PWWP2A: variants seen among roughly 807,000 people sequenced by gnomAD.
The protein encoded by PWWP2A is PWWP domain containing 2A, also known as PWWP domain-containing protein 2A.
A neutral mutation model predicts 48.5 loss-of-function variants in PWWP2A; 18 were observed. The observed-to-expected ratio is 0.37, with a 90% CI of 0.26 to 0.55. PWWP2A has a LOEUF of 0.55. Among genes scored for constraint, PWWP2A ranks in the 20% least tolerant of loss-of-function variants. The pLI, the probability that PWWP2A is intolerant of heterozygous loss-of-function variation, is 0.81. For missense variants in PWWP2A, 867 were observed against 976.4 expected (o/e 0.89, Z 1.49); for synonymous variants, 396 against 387.7 (o/e 1.02, Z -0.25).
chr5:160,100,569 C>T (rs1756167399), intron 1 of PWWP2A, among the ~76,000 whole-genome samples: 1 of 152,198 alleles, frequency 6.6e-6, no homozygotes, highest in African/African-American at 2.4e-5. Flanking sequence ...GAGTTCACGA[C>T]CAGCCTGGTC....
At chr5:160,090,599 AG>A (rs1754984386), downstream of PWWP2A, 1 of 985,002 alleles carries the variant, frequency 1.0e-6, no homozygotes, top group Non-Finnish European at 1.2e-6. Flanking sequence ...GTTCCCCATA[AG>A]AAATTCTACT....
intron 1 of PWWP2A, among the ~76,000 whole-genome samples, chr5:160,110,859 C>T (rs1344500843): frequency 2.0e-5 from 3 of 151,158 alleles, no homozygotes; most frequent in Non-Finnish European, 2.9e-5. Flanking sequence ...TGATGAAATC[C>T]GTCTCTACTA....
intron 5 of PWWP2A, among the ~76,000 whole-genome samples, chr5:160,063,030 A>G (rs1186707835): frequency 6.6e-6 from 1 of 152,162 alleles, no homozygotes; most frequent in Non-Finnish European, 1.5e-5. Context: ...GCAGCACAGA[A>G]CGTGTGTGTC....
rs748083955 is a variant in PWWP2A, at chr5:160,066,295, C to CTTTTTTTTTTT, written c.*236+252_*236+253insAAAAAAAAAAA. On this transcript the variant is annotated intron_variant and NMD_transcript_variant, in intron 4 of 5. Transcript: ENST00000524050. The stretch of plus-strand genomic sequence containing the variant: ...CAGCATTATGCTAGAAAGTGGTTCT[C>CTTTTTTTTTTT]ATTTTTTTTTTTTTTTTTTTGAGGG... Among the ~76,000 whole-genome samples the CTTTTTTTTTTT allele has an allele frequency of 8.7e-3, 501 of 57,714 alleles. 13 individuals carry two copies. The highest frequency in any genetic ancestry group is 0.02 in the African/African-American group (348 of 17,782). 37.9% of individuals were successfully genotyped at this position (57,714 alleles called of 152,430 possible).
At chr5:160,096,465 T>G (rs1010276810) in intron 1 of PWWP2A, among the ~76,000 whole-genome samples, 17 of 152,246 alleles carry the variant, frequency 1.1e-4, no homozygotes, top group African/African-American at 4.1e-4. Flanking sequence ...GTGCTTCTTG[T>G]GTTTTAATGC....
chr5:160,094,294 G>C (rs1162073121), intron 1 of PWWP2A, among the ~76,000 whole-genome samples: 1 of 152,164 alleles, frequency 6.6e-6, no homozygotes, highest in Non-Finnish European at 1.5e-5. Context: ...CCTAAGCAAT[G>C]ACAGAATAGT....
At chr5:160,089,571 T>C (rs982699423), downstream of PWWP2A, 6 of 1,288,288 alleles carry the variant, frequency 4.7e-6, no homozygotes, top group Non-Finnish European at 6.1e-6. Flanking sequence ...TGAATGGATG[T>C]TCCTTCCAAA....
chr5:160,099,689 T>TG (rs559591189), intron 1 of PWWP2A, among the ~76,000 whole-genome samples: 275 of 151,540 alleles, frequency 1.8e-3, no homozygotes, highest in African/African-American at 6.3e-3. Flanking sequence ...TTTTTTTTTT[T>TG]TTTTTGGAAA....
intron 1 of PWWP2A, among the ~76,000 whole-genome samples, chr5:160,097,385 G>A (rs369347460): frequency 3.9e-5 from 5 of 128,768 alleles, no homozygotes; most frequent in East Asian, 5.1e-4. Flanking sequence ...AGTGGCTCAC[G>A]CCTGTAATCC....
rs1216384323 is a variant in PWWP2A, at chr5:160,091,990, A to G, written c.*392T>C. 3 of 675,088 alleles carry G rather than the reference A, an allele frequency of 4.4e-6. No individual in the cohort carries two copies. Among genetic ancestry groups the G allele is most frequent in the Non-Finnish European group, 5.4e-6 (3 of 552,016 alleles). 41.8% of individuals were successfully genotyped at this position (675,088 alleles called of 1,614,324 possible). A position where few individuals can be genotyped will look rare whatever the true frequency, so the allele number is the denominator to read the frequency against. ...TATATATGTGTATATATACATATAT[A>G]TGTGTGTATATATACATACACGGAT... On this transcript the variant is annotated 3_prime_UTR_variant, in exon 2 of 2. Transcript: ENST00000307063.
rs1299441745 is a variant in PWWP2A, at chr5:160,093,028, T to C, written c.1622A>G (p.Asn541Ser). 3 of 1,601,184 alleles carry C rather than the reference T, an allele frequency of 1.9e-6. No individual in the cohort carries two copies. Among genetic ancestry groups the C allele is most frequent in the Non-Finnish European group, 1.7e-6 (2 of 1,173,698 alleles). The change falls in exon 2 of 2, where the codon AAT becomes AGT. Residue 541 changes from asparagine to serine, a missense_variant. Coordinates refer to ENST00000307063, the MANE Select transcript of PWWP2A (RefSeq NM_001130864.2). This position sits in a 1 kb window ranked among gnomAD's most constrained non-coding sequence, Gnocchi z 5.8. ...CTGATCACCAGGCACATGCACTTCA[T>C]TTGTGTCCTGAACCTCACTGCTGGC... ...EEASSEVQDTNEVHVPGDQDE... is the reference protein window; with the variant it reads ...EEASSEVQDTSEVHVPGDQDE...
At chr5:160,116,350 G>C (rs3962036) in intron 1 of PWWP2A, among the ~76,000 whole-genome samples, 1 of 152,104 alleles carries the variant, frequency 6.6e-6, no homozygotes, top group African/African-American at 2.4e-5. Flanking sequence ...CAGCTACTCC[G>C]GAGGCTGAGG....
At chr5:160,096,650 G>A (rs1351945319) in intron 1 of PWWP2A, among the ~76,000 whole-genome samples, 1 of 152,120 alleles carries the variant, frequency 6.6e-6, no homozygotes, top group East Asian at 1.9e-4. Context: ...TTTTTATAGA[G>A]ACGGTGCCTC....
the PWWP2A span, among the ~76,000 whole-genome samples, chr5:160,054,408 G>C: frequency 6.6e-6 from 1 of 152,192 alleles, no homozygotes. Context: ...GAGCCCAGCA[G>C]TTCGAGACCA....
chr5:160,065,777 A>G (rs1333493526), intron 4 of PWWP2A, among the ~76,000 whole-genome samples: 1 of 152,256 alleles, frequency 6.6e-6, no homozygotes, highest in Admixed American at 6.5e-5. Context: ...GTTTGTATAG[A>G]TAATTATAAA....
Position 160,091,786 on chromosome 5 carries a change from G to A in PWWP2A, c.*596C>T. 2.8e-5 allele frequency: 28 copies of A among 985,100 alleles called. No individual in the cohort carries two copies. The highest frequency in any genetic ancestry group is 3.4e-5 in the Non-Finnish European group (28 of 829,858). The allele number at this position is 985,100 out of a possible 1,614,324, so 61.0% of individuals were successfully genotyped here. On this transcript the variant is annotated 3_prime_UTR_variant, in exon 2 of 2. Transcript: ENST00000307063. ...GTCTGTAACTGAATTGCAACCATCT[G>A]TTTGTCAAACACCTAACCATCTAAC...
chr5:160,093,397 A>G lies in PWWP2A; in HGVS notation c.1253T>C (p.Leu418Pro). ...SKAQLSTKKV[L>P]QSKNMDHAKA... ...CGCATGATCCATGTTCTTACTCTGGAGAACTTTTTTAGTACTTAACTGAGC... is the reference window on the plus strand; with the variant it reads ...CGCATGATCCATGTTCTTACTCTGGGGAACTTTTTTAGTACTTAACTGAGC... The change falls in exon 2 of 2, where the codon CTC (leucine) becomes CCC (proline). Residue 418 changes from leucine (L) to proline (P), a missense_variant. Physicochemically the swap from Leu to Pro is moderately conservative, Grantham distance 98. Around this residue, in one of 4 missense-constraint regions of PWWP2A, gnomAD observed 382 missense variants for 407.2 expected, o/e 0.94. Transcript: ENST00000307063. This position sits in a 1 kb window ranked among gnomAD's most constrained non-coding sequence, Gnocchi z 5.8. 1 of 1,613,784 alleles carries G rather than the reference A, an allele frequency of 6.2e-7. No individual in the cohort carries two copies. The highest frequency in any genetic ancestry group is 1.1e-5 in the South Asian group (1 of 91,080).
intron 1 of PWWP2A, among the ~76,000 whole-genome samples, chr5:160,106,823 T>C (rs1056215274): frequency 6.2e-5 from 9 of 144,186 alleles, no homozygotes; most frequent in Non-Finnish European, 3.0e-5. Context: ...CATTAACCTT[T>C]TTTTTTTTTT....
intron 4 of PWWP2A, chr5:160,064,960 T>A (rs1753556058): frequency 6.2e-7 from 1 of 1,613,658 alleles, no homozygotes; most frequent in Non-Finnish European, 8.5e-7. Flanking sequence ...GGAACTTGGT[T>A]CTCCGACCTT....
Sources: allele counts gnomAD v4.1 joint callset (sites outside exome capture counted in the v4.1 genomes callset), GRCh38; gene constraint gnomAD v4.1.1; regional missense constraint gnomAD v4.1.1; non-coding constraint Gnocchi (gnomAD v3.1); transcripts MANE v1.5; gene names NCBI Gene and HGNC (gene_info 2026-07-23, HGNC 2026-07-21).